PKHD1L1: variants seen among roughly 807,000 people sequenced by gnomAD.
The protein encoded by PKHD1L1 is PKHD1 like 1.
Under a neutral mutation model 462.9 loss-of-function variants are expected in PKHD1L1, and 434 were observed. That is an observed-to-expected ratio of 0.94 (90% CI 0.87 to 1.02). PKHD1L1 has a LOEUF of 1.02. PKHD1L1 is among the 50% of genes least tolerant of loss of function. The pLI is 0.00. For missense variants in PKHD1L1, 5,202 were observed against 5,096.1 expected (o/e 1.02, Z -0.63); for synonymous variants, 1,781 against 1,750.0 (o/e 1.02, Z -0.44).
intron 67 of PKHD1L1, among the ~76,000 whole-genome samples, chr8:109,501,001 C>T (rs1819383786): frequency 6.6e-6 from 1 of 152,072 alleles, no homozygotes; most frequent in Non-Finnish European, 1.5e-5. Context: ...ACTCATAGAA[C>T]CTAAAATTTT....
At chr8:109,423,390 C>T (rs571359171) in intron 23 of PKHD1L1, among the ~76,000 whole-genome samples, 1 of 152,206 alleles carries the variant, frequency 6.6e-6, no homozygotes, top group South Asian at 2.1e-4. Flanking sequence ...AAAAGGCTAT[C>T]TTTCTTCCAT....
At chr8:109,501,935 AC>A (rs1477527596) in intron 67 of PKHD1L1, among the ~76,000 whole-genome samples, 2 of 151,962 alleles carry the variant, frequency 1.3e-5, no homozygotes, top group Non-Finnish European at 2.9e-5. Context: ...CAGCTAAGCC[AC>A]TCATCACTAC....
intron 67 of PKHD1L1, among the ~76,000 whole-genome samples, chr8:109,503,488 A>G (rs1277044316): frequency 2.0e-5 from 3 of 152,070 alleles, no homozygotes; most frequent in Admixed American, 1.3e-4. Context: ...CTGTATATAG[A>G]CTCTTCTTAG....
chr8:109,392,499 C>A (rs541340933), intron 9 of PKHD1L1, among the ~76,000 whole-genome samples: 1 of 151,740 alleles, frequency 6.6e-6, no homozygotes, highest in South Asian at 2.1e-4. Flanking sequence ...CCACCCCCCA[C>A]CCATTTTTTT....
chr8:109,463,274 AGAAG>A (rs1367489161), intron 48 of PKHD1L1, among the ~76,000 whole-genome samples: 3 of 152,164 alleles, frequency 2.0e-5, no homozygotes, highest in East Asian at 1.9e-4. Flanking sequence ...TGTATTCAGC[AGAAG>A]GAAGGAAGGG....
At chr8:109,443,356 A>G (rs1377969533) in intron 36 of PKHD1L1, among the ~76,000 whole-genome samples, 3 of 152,210 alleles carry the variant, frequency 2.0e-5, no homozygotes, top group African/African-American at 7.2e-5. Context: ...GAAGTAATGT[A>G]AAAAAGTTCT....
At chr8:109,446,743 AT>A (rs921958560) in intron 38 of PKHD1L1, among the ~76,000 whole-genome samples, 15 of 150,204 alleles carry the variant, frequency 1.0e-4, no homozygotes, top group African/African-American at 2.2e-4. Flanking sequence ...CTGCCTTTGA[AT>A]TTTTTTTTTC....
intron 65 of PKHD1L1, among the ~76,000 whole-genome samples, chr8:109,497,791 G>A (rs1263532991): frequency 8.2e-6 from 1 of 121,296 alleles, no homozygotes; most frequent in Non-Finnish European, 1.8e-5. Flanking sequence ...TGCTAATCTT[G>A]AAATAGTTAA....
Position 109,475,192 on chromosome 8 carries a change from A to G in PKHD1L1, c.8680A>G (p.Asn2894Asp), listed in dbSNP as rs757598573. ...ATGGATGGCTCTGATTCCAAATGCAAATCACATTAACTGGTATTTTAAAGG... is the reference window on the plus strand; with the variant it reads ...ATGGATGGCTCTGATTCCAAATGCAGATCACATTAACTGGTATTTTAAAGG... The part of the protein sequence containing the change: ...SGWMALIPNA[N>D]HINWYFKGVD... The change falls in exon 51 of 78, where the codon AAT becomes GAT. Residue 2894 changes from asparagine (N) to aspartate (D), a missense_variant. By Grantham distance (23) the Asn-to-Asp change is conservative (BLOSUM62 1). Coordinates refer to ENST00000378402, the MANE Select transcript of PKHD1L1 (RefSeq NM_177531.6). 2.3e-5 allele frequency: 37 copies of G among 1,612,644 alleles called. No homozygotes were observed. The highest frequency in any genetic ancestry group is 3.1e-5 in the Non-Finnish European group (36 of 1,179,216).
rs995512973 is a variant in PKHD1L1, at chr8:109,370,062, A to C, written c.163+5426A>C. Among the ~76,000 whole-genome samples, 14 of 152,192 alleles carry C rather than the reference A, an allele frequency of 9.2e-5. 2 individuals carry two copies. The highest frequency in any genetic ancestry group is 7.9e-4 in the Admixed American group (12 of 15,276). The stretch of plus-strand genomic sequence containing the variant: ...AGCTAAGAACATAAGGGCTGGAGGA[A>C]GGCTACAGCCTGGGTTCGAATCCCG... On this transcript the variant is annotated intron_variant, in intron 2 of 77. Transcript: ENST00000378402.
At chr8:109,501,427 T>C (rs1303822030) in intron 67 of PKHD1L1, among the ~76,000 whole-genome samples, 1 of 152,156 alleles carries the variant, frequency 6.6e-6, no homozygotes, top group African/African-American at 2.4e-5. Flanking sequence ...TGAAGCCCTA[T>C]AAGAAAGGAA....
At chr8:109,488,718 G>A (rs182710358) in intron 59 of PKHD1L1, among the ~76,000 whole-genome samples, 2 of 152,068 alleles carry the variant, frequency 1.3e-5, no homozygotes, top group East Asian at 3.9e-4. Flanking sequence ...GTCATAATCT[G>A]CCAGAGGAAG....
intron 73 of PKHD1L1, 148 bp downstream of exon 73, chr8:109,518,656 C>T (rs1820399831): frequency 1.6e-6 from 1 of 610,436 alleles, no homozygotes; most frequent in Non-Finnish European, 2.8e-6. Flanking sequence ...ACCCTTTTTC[C>T]TTCTTTGCTC....
rs192488473 is a variant in PKHD1L1 at position 109,441,084 on chromosome 8, T to A, written c.4100-191T>A. ...GTATGCGACATATAGAGTGGAGGAG[T>A]TTTTCCGCAAATAATTAGTACTCAC... On this transcript the variant is annotated intron_variant, in intron 33 of 77. Transcript: ENST00000378402. 7.3e-5 allele frequency among the ~76,000 whole-genome samples: 11 copies of A among 151,578 alleles called. No homozygotes were observed. In the East Asian group the frequency reaches 1.7e-3, roughly 24 times the overall value.
chr8:109,498,421 G>C, intron 65 of PKHD1L1, 41 bp from the exon 66 acceptor site: 1 of 1,434,442 alleles, frequency 7.0e-7, no homozygotes, highest in East Asian at 2.3e-5. Flanking sequence ...TTTAGTAAGA[G>C]CTATTATTAA....
Position 109,444,604 on chromosome 8 carries a change from T to G in PKHD1L1, c.4792-57T>G, listed in dbSNP as rs528170652. On this transcript the variant is annotated intron_variant, in intron 37 of 77. Transcript: ENST00000378402. The stretch of plus-strand genomic sequence containing the variant: ...TTGTAGTTGTTGCTAATACAAAATT[T>G]GTTTATACTGGAGGTATGTATTGAC... 9 of 1,444,638 alleles carry G rather than the reference T, an allele frequency of 6.2e-6. No homozygotes were observed. In the South Asian group the frequency reaches 1.3e-4, roughly 21 times the overall value. 89.5% of individuals were successfully genotyped at this position (1,444,638 alleles called of 1,614,324 possible).
intron 22 of PKHD1L1, among the ~76,000 whole-genome samples, chr8:109,420,159 C>G (rs866132332): frequency 1.3e-5 from 2 of 152,134 alleles, no homozygotes; most frequent in Non-Finnish European, 2.9e-5. Flanking sequence ...TCCTAGTGAG[C>G]ACCACATTTG....
Position 109,382,538 on chromosome 8 carries a change from A to G in PKHD1L1, c.384A>G (p.Lys128=). The G allele has an allele frequency of 1.2e-6, 2 of 1,612,536 alleles. No homozygotes were observed. The highest frequency in any genetic ancestry group is 1.7e-6 in the Non-Finnish European group (2 of 1,179,108). ...GVPVTENNTC[K]GHINSWECTF... ...CTGTTACGGAAAATAACACCTGCAA[A>G]GGTCACATCAACAGCTGGGAATGTA... The change falls in exon 4 of 78, where the codon AAA becomes AAG. Residue 128 remains lysine (K), a synonymous_variant. Coordinates refer to ENST00000378402, the MANE Select transcript of PKHD1L1 (RefSeq NM_177531.6).
Position 109,461,737 on chromosome 8 carries a change from AT to A in PKHD1L1, c.7247-28del, listed in dbSNP as rs33991097. On this transcript the variant is annotated intron_variant, in intron 47 of 77. Coordinates refer to ENST00000378402, the MANE Select transcript of PKHD1L1 (RefSeq NM_177531.6). ...TCTTCAATATAAGAGGATTCCGACAATTTTTTTAATGATGCTTTAAAAACTG... is the reference window on the plus strand; with the variant it reads ...TCTTCAATATAAGAGGATTCCGACAATTTTTTAATGATGCTTTAAAAACTG... 38 of 1,580,080 alleles carry A rather than the reference AT, an allele frequency of 2.4e-5. No homozygotes were observed. In the South Asian group the frequency reaches 3.1e-4, roughly 13 times the overall value.
Sources: allele counts gnomAD v4.1 joint callset (sites outside exome capture counted in the v4.1 genomes callset), GRCh38; gene constraint gnomAD v4.1.1; transcripts MANE v1.5; gene names NCBI Gene and HGNC (gene_info 2026-07-23, HGNC 2026-07-21).